The following CTNNA3 variants were observed in gnomAD, a reference collection of about 807,000 sequenced individuals.
CTNNA3 encodes the protein catenin alpha 3.
In CTNNA3, 76 loss-of-function variants were observed where a neutral mutation model predicts 95.7. The observed-to-expected ratio is 0.79, with a 90% CI of 0.66 to 0.96. The LOEUF (loss-of-function observed/expected upper bound fraction) is 0.96. CTNNA3 is among the 40% of genes least tolerant of loss of function. The pLI is 0.00. For synonymous variants in CTNNA3, 431 were observed against 374.4 expected (o/e 1.15, Z -1.74); for missense variants, 1,191 against 1,089.8 (o/e 1.09, Z -1.31).
At chr10:67,287,066 G>A (rs1381017267) in intron 5 of CTNNA3, among the ~76,000 whole-genome samples, 3 of 152,138 alleles carry the variant, frequency 2.0e-5, no homozygotes, top group Non-Finnish European at 4.4e-5. Flanking sequence ...GGGCCCGAGC[G>A]CGGTGGCTCG....
intron 7 of CTNNA3, among the ~76,000 whole-genome samples, chr10:66,800,172 T>C (rs1016814020): frequency 2.0e-5 from 3 of 151,414 alleles, no homozygotes; most frequent in African/African-American, 4.8e-5. Context: ...AAGAATTAGA[T>C]TGAATATAAA....
intron 7 of CTNNA3, among the ~76,000 whole-genome samples, chr10:66,970,970 A>G (rs1849689783): frequency 1.3e-5 from 2 of 152,146 alleles, no homozygotes; most frequent in Admixed American, 1.3e-4. Flanking sequence ...CCAGGATTTC[A>G]GTTGTTTTCT....
chr10:66,630,790 T>G (rs10762079), intron 9 of CTNNA3, among the ~76,000 whole-genome samples: 3 of 151,884 alleles, frequency 2.0e-5, no homozygotes, highest in Non-Finnish European at 4.4e-5. Context: ...GAATTATGGG[T>G]TCTGTAGAAT....
intron 1 of CTNNA3, among the ~76,000 whole-genome samples, chr10:67,685,414 A>G (rs1441588575): frequency 6.6e-6 from 1 of 152,224 alleles, no homozygotes; most frequent in Non-Finnish European, 1.5e-5. Context: ...CTTATCACTT[A>G]CTGAACACCC....
intron 9 of CTNNA3, among the ~76,000 whole-genome samples, chr10:66,667,866 G>T (rs10762088): frequency 0.66 from 100,267 of 151,832 alleles, 33,970 homozygotes; most frequent in East Asian, 0.95. Flanking sequence ...TGTTTTCATG[G>T]GCATATGCCT....
In CTNNA3 at chr10:67,204,325, T is replaced by C. The variant is rs948580914; in HGVS notation, c.843+15282A>G. 5.9e-5 allele frequency among the ~76,000 whole-genome samples: 9 copies of C among 151,764 alleles called. 1 individual carries two copies. In the East Asian group the frequency reaches 1.8e-3, roughly 30 times the overall value. On this transcript the variant is annotated intron_variant, in intron 6 of 17. Coordinates refer to ENST00000433211, the MANE Select transcript of CTNNA3 (RefSeq NM_013266.4). Reference sequence around the variant, plus strand: ...ACCATCTCCCCTTGGTACTGTAGAGTGAGTGAGTTTTCATGAGATCTGCTT... The same window carrying C: ...ACCATCTCCCCTTGGTACTGTAGAGCGAGTGAGTTTTCATGAGATCTGCTT...
chr10:66,568,795 A>G (rs1019119792), intron 10 of CTNNA3, among the ~76,000 whole-genome samples: 15 of 151,958 alleles, frequency 9.9e-5, no homozygotes, highest in African/African-American at 2.7e-4. Flanking sequence ...TCCTAGGAAT[A>G]GTAAACAAAG....
intron 12 of CTNNA3, among the ~76,000 whole-genome samples, chr10:66,355,084 G>A (rs149307139): frequency 2.0e-5 from 3 of 152,066 alleles, no homozygotes; most frequent in Non-Finnish European, 2.9e-5. Context: ...CTGGTGTGGC[G>A]TTCATCATCA....
At chr10:67,163,147 A>G (rs1861619964) in intron 7 of CTNNA3, among the ~76,000 whole-genome samples, 1 of 151,976 alleles carries the variant, frequency 6.6e-6, no homozygotes, top group East Asian at 1.9e-4. Context: ...CTACCATGAT[A>G]CCAAAAACAA....
chr10:67,060,632 G>A (rs999208339), intron 7 of CTNNA3, among the ~76,000 whole-genome samples: 9 of 152,130 alleles, frequency 5.9e-5, no homozygotes, highest in African/African-American at 2.2e-4. Context: ...CTCATGTGCT[G>A]TTGGCAGTTT....
At chr10:66,692,483 T>C (rs4746631) in intron 9 of CTNNA3, among the ~76,000 whole-genome samples, 26,795 of 151,720 alleles carry the variant, frequency 0.18, 2,950 homozygotes, top group East Asian at 0.33. Flanking sequence ...AATCTACATC[T>C]GATTGGTGTA....
chr10:67,317,891 C>A (rs1841127650), intron 5 of CTNNA3, among the ~76,000 whole-genome samples: 1 of 129,342 alleles, frequency 7.7e-6, no homozygotes, highest in Non-Finnish European at 1.8e-5. Flanking sequence ...TTTTTATAGC[C>A]CTTGTGAAAA....
chr10:66,043,186 T>A (rs1262747225), intron 15 of CTNNA3, among the ~76,000 whole-genome samples: 1 of 144,994 alleles, frequency 6.9e-6, no homozygotes, highest in African/African-American at 2.5e-5. Context: ...TCAGAGTAGT[T>A]ACAAAAAGAT....
rs1846866053 is a variant in CTNNA3 at position 66,676,621 on chromosome 10, A to G, written c.1282-54837T>C. Among the ~76,000 whole-genome samples, 6 of 152,136 alleles carry G rather than the reference A, an allele frequency of 3.9e-5. No individual in the cohort carries two copies. The South Asian group carries it at 1.0e-3, about 26-fold the overall frequency. ...CTCTTTCTCCCTCTCACAACCAGCT[A>G]TGGTCCTAGGACTCAGGAGGATGAA... On this transcript the variant is annotated intron_variant, in intron 9 of 17. Coordinates refer to ENST00000433211, the MANE Select transcript of CTNNA3 (RefSeq NM_013266.4).
upstream of CTNNA3, among the ~76,000 whole-genome samples, chr10:67,699,366 C>A (rs1841015230): frequency 6.6e-6 from 1 of 152,144 alleles, no homozygotes; most frequent in African/African-American, 2.4e-5. Flanking sequence ...CCTTCACTCC[C>A]AAAAGGGTCA....
At chr10:66,825,286 T>A (rs1275975164) in intron 7 of CTNNA3, among the ~76,000 whole-genome samples, 3 of 148,406 alleles carry the variant, frequency 2.0e-5, no homozygotes, top group Admixed American at 6.8e-5. Flanking sequence ...TATATATATT[T>A]TTTTTTTGAG....
intron 5 of CTNNA3, among the ~76,000 whole-genome samples, chr10:67,243,151 G>A (rs1865778014): frequency 6.6e-6 from 1 of 152,012 alleles, no homozygotes; most frequent in Non-Finnish European, 1.5e-5. Flanking sequence ...CCGAAGTTGA[G>A]CCCATTGTGT....
chr10:67,640,383 T>C (rs1482402539), intron 2 of CTNNA3, among the ~76,000 whole-genome samples: 18 of 152,200 alleles, frequency 1.2e-4, no homozygotes, highest in Non-Finnish European at 1.5e-5. Flanking sequence ...GAACATTCCA[T>C]GCTCATGGAT....
chr10:67,132,425 C>T (rs765075986), intron 7 of CTNNA3, among the ~76,000 whole-genome samples: 2 of 151,850 alleles, frequency 1.3e-5, no homozygotes, highest in African/African-American at 2.4e-5. Flanking sequence ...ATTAAGAGAT[C>T]GTGTTTCCAG....
Sources: allele counts gnomAD v4.1 joint callset (sites outside exome capture counted in the v4.1 genomes callset), GRCh38; gene constraint gnomAD v4.1.1; transcripts MANE v1.5; gene names NCBI Gene and HGNC (gene_info 2026-07-23, HGNC 2026-07-21).